Variants in CDCA7L observed in about 807,000 individuals in gnomAD.
CDCA7L encodes cell division cycle associated 7 like.
Under a neutral mutation model 57.4 loss-of-function variants are expected in CDCA7L, and 44 were observed. That is an observed-to-expected ratio of 0.77 (90% CI 0.60 to 0.98). CDCA7L has a LOEUF of 0.98. CDCA7L is among the 50% of genes least tolerant of loss of function. The pLI is 0.00. For synonymous variants in CDCA7L, 236 were observed against 202.8 expected (o/e 1.16, Z -1.39); for missense variants, 644 against 580.6 (o/e 1.11, Z -1.12).
In CDCA7L at chr7:21,906,346, G is replaced by C. The variant is rs373221505; in HGVS notation, c.864C>G (p.Val288=). ...ACTCTTCCGCAAATTTAGCGGCTGA[G>C]ACAGTGAAGTTCTCTAGAGCAAACT... ...PEKFALENFT[V]SAAKFAEEFY... Residue 288 remains valine, a synonymous_variant, in exon 6 of 10, where the codon GTC becomes GTG. Transcript: ENST00000406877. 3.1e-6 allele frequency: 5 copies of C among 1,613,224 alleles called. No homozygotes were observed. In the South Asian group the frequency reaches 3.3e-5, roughly 11 times the overall value.
chr7:21,903,432 C>G (rs1256648769), intron 8 of CDCA7L, among the ~76,000 whole-genome samples: 1 of 152,152 alleles, frequency 6.6e-6, no homozygotes, highest in East Asian at 1.9e-4. Context: ...GGTTTAGGAG[C>G]ACAAGGTTTC....
At chr7:21,905,484 T>C in intron 7 of CDCA7L, 22 bp downstream of exon 7, 1 of 1,611,294 alleles carries the variant, frequency 6.2e-7, no homozygotes, top group Non-Finnish European at 8.5e-7. Flanking sequence ...CCAATAAGAA[T>C]GACAATTAAT....
In CDCA7L at chr7:21,945,823, A is replaced by G. The variant is rs370390458; in HGVS notation, c.-19T>C. ...ACTCCATTCTTCCTAACCGGGCTCCAGTCTCCTCCCAGCACGCGGCCACGG... is the reference window on the plus strand; with the variant it reads ...ACTCCATTCTTCCTAACCGGGCTCCGGTCTCCTCCCAGCACGCGGCCACGG... On this transcript the variant is annotated 5_prime_UTR_variant, in exon 1 of 10. Transcript: ENST00000406877. 467 of 1,597,468 alleles carry G rather than the reference A, an allele frequency of 2.9e-4. No homozygotes were observed. Among genetic ancestry groups the G allele is most frequent in the Non-Finnish European group, 3.3e-4 (393 of 1,173,564 alleles).
chr7:21,936,303 A>C (rs1287329029), intron 1 of CDCA7L, among the ~76,000 whole-genome samples: 1 of 152,250 alleles, frequency 6.6e-6, no homozygotes, highest in African/African-American at 2.4e-5. Context: ...AACTTGAAGA[A>C]GGAGGAACAC....
At chr7:21,918,139 G>C (rs987741942) in intron 1 of CDCA7L, among the ~76,000 whole-genome samples, 1 of 152,142 alleles carries the variant, frequency 6.6e-6, no homozygotes, top group Non-Finnish European at 1.5e-5. Context: ...TCAATGCATT[G>C]CATAAGGGGG....
rs764221599 is a variant in CDCA7L at position 21,901,238 on chromosome 7, T to TGCTTCTAGAAGCG, written c.*1071_*1083dup. 5 of 1,607,480 alleles carry TGCTTCTAGAAGCG rather than the reference T, an allele frequency of 3.1e-6. No individual in the cohort carries two copies. The highest frequency in any genetic ancestry group is 4.2e-6 in the Non-Finnish European group (5 of 1,176,886). ...AAATGGGTTCTGGCTGGAGTGGCTC[T>TGCTTCTAGAAGCG]GCTTCTAGAAGCGTAAGGTAACACT... On this transcript the variant is annotated 3_prime_UTR_variant, in exon 10 of 10. Transcript: ENST00000406877.
chr7:21,928,223 G>A (rs71526380), intron 1 of CDCA7L, among the ~76,000 whole-genome samples: 19,415 of 152,228 alleles, frequency 0.13, 1,530 homozygotes, highest in Non-Finnish European at 0.18. Flanking sequence ...CTGACTGTTA[G>A]AAGAAAAACT....
chr7:21,939,956 T>C lies in CDCA7L; in HGVS notation c.24+5825A>G, dbSNP rs1786287725. ...ACAACCCTAAATCTCAATCAATAGC[T>C]TCAAACCAAAAAAAAAAAAAAAAAA... On this transcript the variant is annotated intron_variant, in intron 1 of 9. Coordinates refer to ENST00000406877, the MANE Select transcript of CDCA7L (RefSeq NM_018719.5). 6.8e-5 allele frequency among the ~76,000 whole-genome samples: 6 copies of C among 88,260 alleles called. 1 individual carries two copies. In the South Asian group the frequency reaches 2.4e-3, roughly 36 times the overall value. 57.9% of individuals were successfully genotyped at this position (88,260 alleles called of 152,430 possible).
chr7:21,906,733 T>C, intron 4 of CDCA7L, 94 bp from the exon 5 acceptor site: 1 of 1,155,082 alleles, frequency 8.7e-7, no homozygotes, highest in Non-Finnish European at 1.3e-6. Flanking sequence ...TTTGCCACCA[T>C]AAGAAACCTA....
chr7:21,916,731 T>G (rs765922273), intron 2 of CDCA7L, 23 bp downstream of exon 2: 1 of 1,610,892 alleles, frequency 6.2e-7, no homozygotes, highest in Admixed American at 1.7e-5. Flanking sequence ...TGAACACATC[T>G]GCTTGGAAGG....
In CDCA7L at chr7:21,902,191, A is replaced by AAAATAGTAATTTCTACAAAG. The variant is rs1260397140; in HGVS notation, c.*111_*130dup. ...TAAGCATATAAACAATCTTTAACAAAAAATAGTAATTTCTACAAAGAATTT... is the reference window on the plus strand; with the variant it reads ...TAAGCATATAAACAATCTTTAACAAAAAATAGTAATTTCTACAAAGAAATAGTAATTTCTACAAAGAATTT... On this transcript the variant is annotated 3_prime_UTR_variant, in exon 10 of 10. Coordinates refer to ENST00000406877, the MANE Select transcript of CDCA7L (RefSeq NM_018719.5). 36 of 909,044 alleles carry AAAATAGTAATTTCTACAAAG rather than the reference A, an allele frequency of 4.0e-5. 2 individuals carry two copies. The East Asian group carries it at 8.8e-4, about 22-fold the overall frequency. 56.3% of individuals were successfully genotyped at this position (909,044 alleles called of 1,614,324 possible).
intron 1 of CDCA7L, among the ~76,000 whole-genome samples, chr7:21,922,504 G>T (rs1270115878): frequency 6.6e-6 from 1 of 152,174 alleles, no homozygotes; most frequent in East Asian, 1.9e-4. Context: ...CTGAGTGTTG[G>T]TAAGAAACTT....
Position 21,901,443 on chromosome 7 carries a change from C to A in CDCA7L, c.*879G>T. ...ACTAACTCAGGGCTGAGCGTGGTGGCACACGACTGTAATCCCAGTTACTCA... is the reference window on the plus strand; with the variant it reads ...ACTAACTCAGGGCTGAGCGTGGTGGAACACGACTGTAATCCCAGTTACTCA... On this transcript the variant is annotated 3_prime_UTR_variant, in exon 10 of 10. Transcript: ENST00000406877. 2 of 707,410 alleles carry A rather than the reference C, an allele frequency of 2.8e-6. No individual in the cohort carries two copies. The highest frequency in any genetic ancestry group is 4.3e-5 in the South Asian group (1 of 23,250). The allele number at this position is 707,410 out of a possible 1,614,324, so 43.8% of individuals were successfully genotyped here.
intron 2 of CDCA7L, among the ~76,000 whole-genome samples, chr7:21,915,173 G>T (rs571451764): frequency 1.3e-5 from 2 of 152,238 alleles, no homozygotes; most frequent in South Asian, 4.2e-4. Context: ...CACAGCAGAA[G>T]TTTCATCAAC....
Position 21,916,803 on chromosome 7 carries a change from G to C in CDCA7L, c.116C>G (p.Ser39Trp), listed in dbSNP as rs768051788. Residue 39 changes from serine (S) to tryptophan (W), a missense_variant, in exon 2 of 10, where the codon TCG becomes TGG. Transcript: ENST00000406877. ...AAAACTATCGCAGCTCTCCTCTGAC[G>C]AGAGGGTTTCCATGGGAACATCATC... is the stretch of plus-strand genomic sequence containing the variant. ...FRDDVPMETL[S>W]SEESCDSFDS... 1.2e-6 allele frequency: 2 copies of C among 1,613,804 alleles called. No individual in the cohort carries two copies. Among genetic ancestry groups the C allele is most frequent in the Non-Finnish European group, 8.5e-7 (1 of 1,179,888 alleles).
chr7:21,901,380 G>GCTATCCTTA lies in CDCA7L; in HGVS notation c.*933_*941dup. 1 of 1,298,462 alleles carries GCTATCCTTA rather than the reference G, an allele frequency of 7.7e-7. No individual in the cohort carries two copies. Among genetic ancestry groups the GCTATCCTTA allele is most frequent in the Non-Finnish European group, 1.0e-6 (1 of 1,000,104 alleles). 80.4% of individuals were successfully genotyped at this position (1,298,462 alleles called of 1,614,324 possible). ...CTCACACGTGCATTCTTTTTTCAAC[G>GCTATCCTTA]CTATCCTTAGAGTGAAAGTCAGAAA... On this transcript the variant is annotated 3_prime_UTR_variant, in exon 10 of 10. Transcript: ENST00000406877.
chr7:21,933,807 GA>G (rs963340974), intron 1 of CDCA7L, among the ~76,000 whole-genome samples: 2 of 145,348 alleles, frequency 1.4e-5, no homozygotes, highest in Middle Eastern at 3.2e-3. Flanking sequence ...ATAAAAAAAA[GA>G]AAAAAAAAGA....
chr7:21,901,110 A>ACAAGAAAC lies in CDCA7L; in HGVS notation c.*1204_*1211dup. 6.2e-7 allele frequency: 1 copy of ACAAGAAAC among 1,613,492 alleles called. No homozygotes were observed. Among genetic ancestry groups the ACAAGAAAC allele is most frequent in the Non-Finnish European group, 8.5e-7 (1 of 1,179,538 alleles). On this transcript the variant is annotated 3_prime_UTR_variant, in exon 10 of 10. Coordinates refer to ENST00000406877, the MANE Select transcript of CDCA7L (RefSeq NM_018719.5). ...TTGCAAAAGCCACCCCCGTGGACAG[A>ACAAGAAAC]CAAGAAACCAAACAGACCTACGAGT...
chr7:21,917,395 T>G (rs991959053), intron 1 of CDCA7L, among the ~76,000 whole-genome samples: 18 of 152,230 alleles, frequency 1.2e-4, no homozygotes, highest in Non-Finnish European at 2.6e-4. Flanking sequence ...TTTTCTATAT[T>G]GTAAGTCAAC....
Sources: gnomAD v4.1 joint callset for allele counts (sites outside exome capture counted in the v4.1 genomes callset) on GRCh38, gnomAD v4.1.1 for gene constraint, MANE v1.5 for transcripts, NCBI Gene and HGNC (gene_info 2026-07-23, HGNC 2026-07-21) for gene names.